Variants in NLRP12 observed in about 807,000 individuals in gnomAD.
NLRP12 encodes the protein NACHT, LRR and PYD domains-containing protein 12.
Under a neutral mutation model 91.2 loss-of-function variants are expected in NLRP12, and 108 were observed. The ratio of observed to expected loss-of-function variants is 1.18; its 90% CI spans 1.01 to 1.39. NLRP12 has a LOEUF of 1.39. NLRP12 is among the 40% of genes most tolerant of loss of function. The pLI is 0.00. For synonymous variants in NLRP12, 613 were observed against 566.7 expected, an observed-to-expected ratio of 1.08 and a Z score of -1.16; for missense variants, 1,530 against 1,352.7, an observed-to-expected ratio of 1.13 and a Z score of -2.06.
At chr19:53,803,794 G>A (rs753155671) in intron 6 of NLRP12, 158 bp downstream of exon 6, 122 of 711,276 alleles carry the variant, frequency 1.7e-4, no homozygotes, top group Non-Finnish European at 2.9e-4. Flanking sequence ...GGCTGGTCTC[G>A]AACTCCTGAC....
chr19:53,802,435 T>G (rs182914660), intron 6 of NLRP12, among the ~76,000 whole-genome samples: 1 of 151,752 alleles, frequency 6.6e-6, no homozygotes, highest in Admixed American at 6.6e-5. Context: ...CGGCCGGGCA[T>G]GGTGGCTCAC....
At position 53,818,879 on chromosome 19, in the gene NLRP12, C is replaced by G. The variant is rs775762552; in HGVS notation, c.290-3891G>C. Among the ~76,000 whole-genome samples, 10 of 152,200 alleles carry G rather than the reference C, an allele frequency of 6.6e-5. No homozygotes were observed. The Middle Eastern group carries it at 0.01, about 155-fold the overall frequency. On this transcript the variant is annotated intron_variant, in intron 1 of 9. Transcript: ENST00000324134. The stretch of plus-strand genomic sequence containing the variant: ...CCACAAGTGTCTCGAGAGACTCTTA[C>G]GCACAGTAACATGAGAACTGCCGAT...
rs1305657735 is a variant in NLRP12 at position 53,823,483 on chromosome 19, T to TA, written c.289+402_289+403insT. ...TTTAAATATATATTTAAAATATATA[T>TA]TTTAAAATATATTTATTTAAAATAT... On this transcript the variant is annotated intron_variant, in intron 1 of 9. Coordinates refer to ENST00000324134, the MANE Select transcript of NLRP12 (RefSeq NM_144687.4). Among the ~76,000 whole-genome samples the TA allele has an allele frequency of 2.9e-3, 306 of 103,944 alleles. 1 individual carries two copies. Among genetic ancestry groups the TA allele is most frequent in the Middle Eastern group, 5.3e-3 (1 of 190 alleles). 68.2% of individuals were successfully genotyped at this position (103,944 alleles called of 152,430 possible).
Position 53,797,717 on chromosome 19 carries a change from C to G in NLRP12, c.2927+526G>C, listed in dbSNP as rs904560063. ...CAGGCATTAAGCTACCGTGCCCAGCCTCTTTTGTAATTTTTAAATTTTAAT... is the reference window on the plus strand; with the variant it reads ...CAGGCATTAAGCTACCGTGCCCAGCGTCTTTTGTAATTTTTAAATTTTAAT... On this transcript the variant is annotated intron_variant, in intron 8 of 9. Coordinates refer to ENST00000324134, the MANE Select transcript of NLRP12 (RefSeq NM_144687.4). 6.0e-5 allele frequency among the ~76,000 whole-genome samples: 9 copies of G among 148,974 alleles called. No homozygotes were observed. In the East Asian group the frequency reaches 1.6e-3, roughly 26 times the overall value.
intron 1 of NLRP12, among the ~76,000 whole-genome samples, chr19:53,816,991 C>T (rs2092169977): frequency 1.1e-5 from 1 of 94,854 alleles, no homozygotes; most frequent in Admixed American, 1.3e-4. Context: ...CAGCAGCACA[C>T]TTAAAAATGG....
chr19:53,821,739 T>C (rs2092267388), intron 1 of NLRP12, among the ~76,000 whole-genome samples: 1 of 151,510 alleles, frequency 6.6e-6, no homozygotes, highest in South Asian at 2.1e-4. Flanking sequence ...CCAGCCAGAG[T>C]GGTGGGAGCG....
chr19:53,797,538 C>A (rs924769064), intron 8 of NLRP12, among the ~76,000 whole-genome samples: 1 of 151,954 alleles, frequency 6.6e-6, no homozygotes, highest in African/African-American at 2.4e-5. Flanking sequence ...CCTGCCTCAA[C>A]CTCCCGAGTA....
rs12460528 is a variant in NLRP12, at chr19:53,804,068, G to A, written c.2469C>T (p.Leu823=). Residue 823 remains leucine (L), a synonymous_variant, in exon 6 of 10, where the codon CTC becomes CTT. Coordinates refer to ENST00000324134, the MANE Select transcript of NLRP12 (RefSeq NM_144687.4). ...ACTCAACCAGATGTGGGTTGGTGCC[G>A]AGCACAGAAGCCATCTCCTGACAAG... ...SGACQEMASV[L]GTNPHLVELD... 0.55 allele frequency: 890,907 copies of A among 1,613,480 alleles called. 253,416 individuals carry two copies. Among genetic ancestry groups the A allele is most frequent in the Non-Finnish European group, 0.58 (689,882 of 1,179,740 alleles).
At position 53,807,634 on chromosome 19, in the gene NLRP12, T is replaced by C. The variant is rs2091983142; in HGVS notation, c.2104A>G (p.Ser702Gly). ...PERTVLLDAYSEHLAAALCTN... is the reference protein window; with the variant it reads ...PERTVLLDAYGEHLAAALCTN... ...CACAGGGCCGCTGCCAGATGTTCACTGTAGGCGTCCAGCAGAACGGTCCTC... is the reference window on the plus strand; with the variant it reads ...CACAGGGCCGCTGCCAGATGTTCACCGTAGGCGTCCAGCAGAACGGTCCTC... Residue 702 changes from serine (S) to glycine (G), a missense_variant, in exon 4 of 10, where the codon AGT becomes GGT. Coordinates refer to ENST00000324134, the MANE Select transcript of NLRP12 (RefSeq NM_144687.4). 8 of 1,614,072 alleles carry C rather than the reference T, an allele frequency of 5.0e-6. No homozygotes were observed. The highest frequency in any genetic ancestry group is 1.7e-5 in the Admixed American group (1 of 59,988).
intron 8 of NLRP12, among the ~76,000 whole-genome samples, chr19:53,796,803 C>T (rs979290269): frequency 2.6e-5 from 4 of 151,902 alleles, no homozygotes; most frequent in East Asian, 2.0e-4. Flanking sequence ...TCAAGACCAG[C>T]CTGACCAACA....
intron 1 of NLRP12, among the ~76,000 whole-genome samples, chr19:53,816,715 TA>T (rs1367519856): frequency 1.3e-5 from 2 of 151,602 alleles, no homozygotes; most frequent in Non-Finnish European, 2.9e-5. Context: ...ATAATTTTTG[TA>T]TTTTTAGTAG....
intron 1 of NLRP12, among the ~76,000 whole-genome samples, chr19:53,817,787 CTATT>C (rs375251407): frequency 7.2e-5 from 11 of 151,752 alleles, no homozygotes; most frequent in South Asian, 4.2e-4. Context: ...TATTTTAGCA[CTATT>C]TATTTATTTA....
chr19:53,809,484 TCA>T, intron 3 of NLRP12, 101 bp downstream of exon 3: 1 of 1,201,552 alleles, frequency 8.3e-7, no homozygotes, highest in African/African-American at 1.8e-5. Context: ...TGAGCTGAGG[TCA>T]CGCCAGTGTA....
intron 1 of NLRP12, among the ~76,000 whole-genome samples, chr19:53,822,823 A>T (rs1025347963): frequency 1.3e-5 from 2 of 150,792 alleles, no homozygotes; most frequent in Admixed American, 6.7e-5. Context: ...CCTGGAGTAC[A>T]GTGGTGCAAT....
In NLRP12 at chr19:53,819,457, A is replaced by ATG. The variant is rs1208045764; in HGVS notation, c.289+4427_289+4428dup. Among the ~76,000 whole-genome samples the ATG allele has an allele frequency of 9.1e-3, 42 of 4,596 alleles. 10 individuals carry two copies. Among genetic ancestry groups the ATG allele is most frequent in the East Asian group, 0.031 (4 of 130 alleles). The allele number at this position is 4,596 out of a possible 152,430, so 3.0% of individuals were successfully genotyped here. ...TATATATATATATATATATATATAT[A>ATG]TGTGTGTGTGTGTGTGTGTGTGTGT... is the stretch of plus-strand genomic sequence containing the variant. On this transcript the variant is annotated intron_variant, in intron 1 of 9. Transcript: ENST00000324134.
intron 1 of NLRP12, among the ~76,000 whole-genome samples, chr19:53,820,373 T>C (rs1259724388): frequency 6.6e-6 from 1 of 151,932 alleles, no homozygotes; most frequent in Non-Finnish European, 1.5e-5. Flanking sequence ...CTACTAAAAA[T>C]ACAAAAATTA....
intron 7 of NLRP12, among the ~76,000 whole-genome samples, chr19:53,799,010 A>AT (rs34728764): frequency 0.2 from 23,749 of 119,522 alleles, 2,741 homozygotes; most frequent in South Asian, 0.27. Context: ...CTATCTACAA[A>AT]TTTTTTTTTT....
chr19:53,805,264 G>C lies in NLRP12; in HGVS notation c.2414+16C>G. The C allele has an allele frequency of 6.2e-7, 1 of 1,612,534 alleles. No individual in the cohort carries two copies. Among genetic ancestry groups the C allele is most frequent in the Non-Finnish European group, 8.5e-7 (1 of 1,178,772 alleles). ...ACAATGAGCTTAAGAAGTTGCTCCC[G>C]GGGATAGAGACTCACTGAATCATCT... On this transcript the variant is annotated intron_variant, in intron 5 of 9. Coordinates refer to ENST00000324134, the MANE Select transcript of NLRP12 (RefSeq NM_144687.4).
chr19:53,809,988 T>A lies in NLRP12; in HGVS notation c.1671A>T (p.Ala557=). ...GTCCAAACAGGAAGCGGCTGGTGAG[T>A]GCCAGGAAGCTCCTTTCAGAAAACG... ...EYAFSERSFL[A]LTSRFLFGLL... The change falls in exon 3 of 10, where the codon GCA becomes GCT. Residue 557 remains alanine (A), a synonymous_variant. Coordinates refer to ENST00000324134, the MANE Select transcript of NLRP12 (RefSeq NM_144687.4). The A allele has an allele frequency of 6.2e-7, 1 of 1,613,928 alleles. No individual in the cohort carries two copies. Among genetic ancestry groups the A allele is most frequent in the South Asian group, 1.1e-5 (1 of 91,074 alleles).
Sources: allele counts gnomAD v4.1 joint callset (sites outside exome capture counted in the v4.1 genomes callset), GRCh38; gene constraint gnomAD v4.1.1; transcripts MANE v1.5; gene names NCBI Gene and HGNC (gene_info 2026-07-23, HGNC 2026-07-21).